The following PFKFB3 variants were observed in gnomAD, a reference collection of about 807,000 sequenced individuals.
PFKFB3 encodes the protein 6-phosphofructo-2-kinase/fructose-2,6-biphosphatase 3.
In PFKFB3, 33 loss-of-function variants were observed where a neutral mutation model predicts 68.0. The observed-to-expected ratio is 0.49, with a 90% CI of 0.37 to 0.65. PFKFB3 has a LOEUF of 0.65. Among genes scored for constraint, PFKFB3 ranks in the 30% least tolerant of loss-of-function variants. PFKFB3 has a pLI of 0.00. For synonymous variants in PFKFB3, 315 were observed against 288.2 expected (o/e 1.09, Z -0.94); for missense variants, 586 against 712.2 (o/e 0.82, Z 2.02).
chr10:6,215,370 C>A lies in PFKFB3; in HGVS notation c.299+53C>A, dbSNP rs947729731. 2.2e-6 allele frequency: 3 copies of A among 1,389,186 alleles called. No homozygotes were observed. Among genetic ancestry groups the A allele is most frequent in the Admixed American group, 1.7e-5 (1 of 57,740 alleles). 86.1% of individuals were successfully genotyped at this position (1,389,186 alleles called of 1,614,324 possible). On this transcript the variant is annotated intron_variant, in intron 3 of 14. Coordinates refer to ENST00000379775, the MANE Select transcript of PFKFB3 (RefSeq NM_004566.4). This position sits in a 1 kb window ranked among gnomAD's most constrained non-coding sequence, Gnocchi z 4.3. ...GGGCTGTGGGAATAAGGCTGGGCCG[C>A]GGGCATAAGGCTGGGCTGCAGGAGT...
rs2131979501 is a variant in PFKFB3 at position 6,220,696 on chromosome 10, G to A, written c.662G>A (p.Arg221Lys). The A allele has an allele frequency of 1.2e-6, 2 of 1,614,072 alleles. No homozygotes were observed. Among genetic ancestry groups the A allele is most frequent in the Non-Finnish European group, 1.7e-6 (2 of 1,180,028 alleles). The change falls in exon 8 of 15, where the codon AGG becomes AAG. Residue 221 changes from arginine to lysine, a missense_variant. Coordinates refer to ENST00000379775, the MANE Select transcript of PFKFB3 (RefSeq NM_004566.4). The surrounding 1 kb of genome is among the most constrained non-coding windows in gnomAD (Gnocchi z 4.1). ...ATCAAGGTGATTGACGTGGGCCGGA[G>A]GTTCCTGGTGAACCGGGTGCAGGAC... ...SLIKVIDVGRRFLVNRVQDHI... is the reference protein window; with the variant it reads ...SLIKVIDVGRKFLVNRVQDHI...
intron 1 of PFKFB3, chr10:6,146,545 G>T (rs553756766): frequency 1.3e-6 from 2 of 1,502,510 alleles, no homozygotes; most frequent in East Asian, 5.0e-5. Flanking sequence ...GGCTCTCAGA[G>T]TGTCCCTCCC....
upstream of PFKFB3, chr10:6,202,815 C>T (rs1843418192): frequency 1.1e-6 from 1 of 931,056 alleles, no homozygotes; most frequent in Non-Finnish European, 1.3e-6. Context: ...GCTCGCCCAC[C>T]CTCCTCCCCA....
At chr10:6,185,495 G>A (rs558679274) in intron 1 of PFKFB3, among the ~76,000 whole-genome samples, 1 of 152,144 alleles carries the variant, frequency 6.6e-6, no homozygotes, top group African/African-American at 2.4e-5. Flanking sequence ...GGGACGCCAG[G>A]GTCTCCCATC....
At chr10:6,194,326 T>C (rs1432189528) in intron 1 of PFKFB3, among the ~76,000 whole-genome samples, 1 of 152,248 alleles carries the variant, frequency 6.6e-6, no homozygotes, top group African/African-American at 2.4e-5. Flanking sequence ...CTTGAGTCCC[T>C]GATTAATTCA....
chr10:6,206,640 C>G (rs1236256488), intron 1 of PFKFB3, among the ~76,000 whole-genome samples: 12 of 151,776 alleles, frequency 7.9e-5, no homozygotes, highest in African/African-American at 2.9e-4. Context: ...CTCCTCACAT[C>G]CCAGATGGGG....
intron 1 of PFKFB3, among the ~76,000 whole-genome samples, chr10:6,171,087 A>G (rs1842295953): frequency 6.6e-6 from 1 of 152,082 alleles, no homozygotes; most frequent in Admixed American, 6.5e-5. Context: ...GCTGGAGTGC[A>G]GTGGTGCAAT....
chr10:6,146,553 C>G (rs1588371340), intron 1 of PFKFB3: 1 of 1,441,476 alleles, frequency 6.9e-7, no homozygotes, highest in Non-Finnish European at 9.3e-7. Flanking sequence ...GAGTGTCCCT[C>G]CCCCCCTACT....
At chr10:6,190,330 A>T (rs1842988338) in intron 1 of PFKFB3, among the ~76,000 whole-genome samples, 1 of 152,218 alleles carries the variant, frequency 6.6e-6, no homozygotes, top group Non-Finnish European at 1.5e-5. Context: ...CCCAGGGATG[A>T]CCTACAGATT....
At chr10:6,153,641 G>T (rs1841670724) in intron 1 of PFKFB3, among the ~76,000 whole-genome samples, 1 of 152,148 alleles carries the variant, frequency 6.6e-6, no homozygotes, top group African/African-American at 2.4e-5. Context: ...ATCAGTTGGG[G>T]TCAGGAGTTC....
chr10:6,231,367 G>T (rs1845732134), intron 14 of PFKFB3: 34 of 1,610,332 alleles, frequency 2.1e-5, no homozygotes, highest in Non-Finnish European at 2.9e-5. Context: ...CGGCATCTGG[G>T]TCTGTGTGCA....
upstream of PFKFB3, among the ~76,000 whole-genome samples, chr10:6,198,843 T>C (rs982346023): frequency 6.6e-6 from 1 of 152,258 alleles, no homozygotes; most frequent in Non-Finnish European, 1.5e-5. Context: ...CATATTCCAT[T>C]GTTTGGATGT....
chr10:6,173,072 A>T (rs1474063253), intron 1 of PFKFB3, among the ~76,000 whole-genome samples: 1 of 151,970 alleles, frequency 6.6e-6, no homozygotes, highest in African/African-American at 2.4e-5. Context: ...TCAACCTGGG[A>T]CGTCCACTCT....
chr10:6,274,135 G>A, the PFKFB3 span, among the ~76,000 whole-genome samples: 1 of 152,010 alleles, frequency 6.6e-6, no homozygotes. Context: ...AGGAGGTCAA[G>A]GCTGCAGTGG....
At chr10:6,236,108 C>T (rs149818639), downstream of PFKFB3, among the ~76,000 whole-genome samples, 58 of 152,302 alleles carry the variant, frequency 3.8e-4, no homozygotes, top group African/African-American at 1.3e-3. Flanking sequence ...CCCTTCCCCG[C>T]GCCCTTTTAA....
intron 14 of PFKFB3, among the ~76,000 whole-genome samples, chr10:6,248,832 T>C (rs987610389): frequency 1.3e-5 from 2 of 152,148 alleles, no homozygotes; most frequent in Non-Finnish European, 2.9e-5. Flanking sequence ...AAAATGGCTA[T>C]TGTCAAAAAG....
downstream of PFKFB3, among the ~76,000 whole-genome samples, chr10:6,254,808 C>CTTTTT (rs144888417): frequency 1.8e-3 from 112 of 61,634 alleles, 20 homozygotes; most frequent in Middle Eastern, 0.026. Context: ...TTTTTCTGTT[C>CTTTTT]TTTTTTTTTT....
At chr10:6,216,079 C>G in intron 3 of PFKFB3, 46 bp from the exon 4 acceptor site, 7 of 1,567,322 alleles carry the variant, frequency 4.5e-6, no homozygotes, top group Non-Finnish European at 6.2e-6. Context: ...GCTGCCCCAG[C>G]GGATGCACCG....
rs1844956259 is a variant in PFKFB3 at position 6,221,515 on chromosome 10, T to C, written c.966T>C (p.Asn322=). The change falls in exon 9 of 15, where the codon AAT becomes AAC. Residue 322 remains asparagine (N), a synonymous_variant. Transcript: ENST00000379775. ...CCTACGAGCAGTGGAAGGCGCTCAA[T>C]GAGATCGACGCGGTGAGTCCTGGGA... ...RLPYEQWKAL[N]EIDAGVCEEL... 1 of 1,603,630 alleles carries C rather than the reference T, an allele frequency of 6.2e-7. No individual in the cohort carries two copies. The highest frequency in any genetic ancestry group is 1.1e-5 in the South Asian group (1 of 90,868).
Sources: allele counts gnomAD v4.1 joint callset (sites outside exome capture counted in the v4.1 genomes callset), GRCh38; gene constraint gnomAD v4.1.1; non-coding constraint Gnocchi (gnomAD v3.1); transcripts MANE v1.5; gene names NCBI Gene and HGNC (gene_info 2026-07-23, HGNC 2026-07-21).